The following EPHA5 variants were observed in gnomAD, a reference collection of about 807,000 sequenced individuals.
EPHA5 encodes ephrin type-A receptor 5.
EPHA5 carries 60 observed loss-of-function variants against 105.0 expected under a neutral mutation model. The observed-to-expected ratio is 0.57, with a 90% CI of 0.46 to 0.71. The LOEUF (loss-of-function observed/expected upper bound fraction) is 0.71, where lower values mean the gene tolerates loss of function less well. Ranked by LOEUF, EPHA5 falls within the 30% of genes least tolerant of loss-of-function variation. EPHA5 has a pLI of 0.00. For missense variants in EPHA5, 1,218 were observed against 1,274.7 expected (o/e 0.96, Z 0.68); for synonymous variants, 513 against 449.1 (o/e 1.14, Z -1.80).
At chr4:65,434,679 C>G (rs901655692) in intron 5 of EPHA5, among the ~76,000 whole-genome samples, 4 of 152,072 alleles carry the variant, frequency 2.6e-5, no homozygotes, top group Non-Finnish European at 5.9e-5. Flanking sequence ...CATCACTTCC[C>G]TTTTACATAA....
chr4:65,457,433 A>G (rs1362812001), intron 5 of EPHA5, among the ~76,000 whole-genome samples: 2 of 152,158 alleles, frequency 1.3e-5, no homozygotes, highest in Non-Finnish European at 2.9e-5. Flanking sequence ...AGCAAACTAT[A>G]AGTTATACAT....
At chr4:65,484,647 T>A (rs1040829422) in intron 5 of EPHA5, among the ~76,000 whole-genome samples, 10 of 152,300 alleles carry the variant, frequency 6.6e-5, no homozygotes, top group Admixed American at 6.5e-4. Context: ...TGTTAATTAT[T>A]TGTAATTTTG....
At chr4:65,471,166 A>G (rs767304784) in intron 5 of EPHA5, among the ~76,000 whole-genome samples, 10 of 152,172 alleles carry the variant, frequency 6.6e-5, no homozygotes, top group Non-Finnish European at 1.5e-4. Flanking sequence ...TTGCTCAATT[A>G]CACTCCTTTA....
At chr4:65,639,022 T>C (rs1413039186) in intron 2 of EPHA5, among the ~76,000 whole-genome samples, 1 of 152,244 alleles carries the variant, frequency 6.6e-6, no homozygotes, top group Admixed American at 6.5e-5. Context: ...AGCAGCACTG[T>C]GTGTTTATTA....
intron 3 of EPHA5, among the ~76,000 whole-genome samples, chr4:65,557,417 G>A (rs1451789744): frequency 2.6e-5 from 4 of 151,376 alleles, no homozygotes; most frequent in Non-Finnish European, 5.9e-5. Context: ...AATTTAACAA[G>A]TATTGTTTTT....
chr4:65,350,365 GTTTTA>G (rs1234039629), intron 13 of EPHA5, among the ~76,000 whole-genome samples: 1 of 147,144 alleles, frequency 6.8e-6, no homozygotes, highest in Non-Finnish European at 1.5e-5. Flanking sequence ...AAGCAAAAAT[GTTTTA>G]AAAAAAAAAC....
At chr4:65,493,659 T>A (rs1335324174) in intron 4 of EPHA5, among the ~76,000 whole-genome samples, 1 of 152,066 alleles carries the variant, frequency 6.6e-6, no homozygotes, top group Admixed American at 6.6e-5. Context: ...GACAACACAG[T>A]ATTAGAAATT....
intron 3 of EPHA5, among the ~76,000 whole-genome samples, chr4:65,570,349 G>A (rs764771904): frequency 6.6e-6 from 1 of 151,728 alleles, no homozygotes; most frequent in Non-Finnish European, 1.5e-5. Flanking sequence ...TCCAAGTTAA[G>A]AGGTAGCATC....
At chr4:65,637,597 T>TAC (rs1553958771) in intron 2 of EPHA5, among the ~76,000 whole-genome samples, 2 of 144,534 alleles carry the variant, frequency 1.4e-5, no homozygotes, top group South Asian at 2.2e-4. Context: ...TATATATATA[T>TAC]ACGTATATGC....
intron 5 of EPHA5, among the ~76,000 whole-genome samples, chr4:65,450,706 A>G (rs1006121795): frequency 1.3e-5 from 2 of 152,170 alleles, no homozygotes; most frequent in African/African-American, 4.8e-5. Flanking sequence ...CTTGCAGCTC[A>G]ATTCATTTTT....
chr4:65,357,457 A>G (rs1475306049), intron 11 of EPHA5, among the ~76,000 whole-genome samples: 1 of 151,552 alleles, frequency 6.6e-6, no homozygotes, highest in African/African-American at 2.4e-5. Context: ...CTTGGGAATC[A>G]CAAATATGTC....
intron 3 of EPHA5, among the ~76,000 whole-genome samples, chr4:65,549,889 A>G (rs1737733239): frequency 6.6e-6 from 1 of 152,106 alleles, no homozygotes; most frequent in African/African-American, 2.4e-5. Context: ...TAAGATTGAT[A>G]ATGGTCTCCC....
chr4:65,442,886 T>G (rs374142810), intron 5 of EPHA5, among the ~76,000 whole-genome samples: 10 of 152,258 alleles, frequency 6.6e-5, no homozygotes, highest in African/African-American at 2.4e-4. Flanking sequence ...CTTGTGGCAG[T>G]CAGAGTCACT....
intron 1 of EPHA5, among the ~76,000 whole-genome samples, chr4:65,657,898 C>CA (rs58539913): frequency 0.062 from 7,279 of 116,918 alleles, 271 homozygotes; most frequent in Non-Finnish European, 0.077. Context: ...TTGGTATATG[C>CA]AAAAAAAAAA....
At chr4:65,664,780 T>C (rs1749827279) in intron 1 of EPHA5, among the ~76,000 whole-genome samples, 1 of 151,948 alleles carries the variant, frequency 6.6e-6, no homozygotes, top group South Asian at 2.1e-4. Flanking sequence ...TTGACATTTT[T>C]AGCTCTAATG....
At chr4:65,501,232 A>T (rs965195162) in intron 3 of EPHA5, among the ~76,000 whole-genome samples, 1 of 151,414 alleles carries the variant, frequency 6.6e-6, no homozygotes, top group Non-Finnish European at 1.5e-5. Flanking sequence ...TTTTATCTTC[A>T]TATTTAAAAC....
intron 7 of EPHA5, among the ~76,000 whole-genome samples, chr4:65,405,024 TA>T (rs2148992890): frequency 6.6e-6 from 1 of 152,234 alleles, no homozygotes; most frequent in African/African-American, 2.4e-5. Context: ...AAATACAATG[TA>T]AAGCACAATA....
intron 1 of EPHA5, among the ~76,000 whole-genome samples, chr4:65,653,376 T>G (rs932918301): frequency 3.3e-5 from 5 of 152,114 alleles, no homozygotes; most frequent in African/African-American, 1.2e-4. Flanking sequence ...ATCTAAAATT[T>G]TTAAATCTTT....
chr4:65,343,764 C>G (rs1307456631), intron 14 of EPHA5, among the ~76,000 whole-genome samples: 1 of 152,254 alleles, frequency 6.6e-6, no homozygotes, highest in Non-Finnish European at 1.5e-5. Flanking sequence ...GTATTATAGA[C>G]AGATATTTTA....
Sources: gnomAD v4.1 joint callset for allele counts (sites outside exome capture counted in the v4.1 genomes callset) on GRCh38, gnomAD v4.1.1 for gene constraint, MANE v1.5 for transcripts, NCBI Gene and HGNC (gene_info 2026-07-23, HGNC 2026-07-21) for gene names.